The following NFIB variants were observed in gnomAD, a reference collection of about 807,000 sequenced individuals.
The protein encoded by NFIB is nuclear factor 1 B-type.
Under a neutral mutation model 61.5 loss-of-function variants are expected in NFIB, and 11 were observed. The observed-to-expected ratio is 0.18, with a 90% confidence interval of 0.11 to 0.30. The LOEUF is 0.30. NFIB is among the 10% of genes least tolerant of loss of function. NFIB has a pLI of 1.00. For missense variants in NFIB, 471 were observed against 608.9 expected (o/e 0.77, Z 2.38); for synonymous variants, 260 against 216.5 (o/e 1.20, Z -1.76).
chr9:14,505,607 A>G, the NFIB span, among the ~76,000 whole-genome samples: 7 of 152,190 alleles, frequency 4.6e-5, no homozygotes, highest in African/African-American at 7.2e-5. Flanking sequence ...CCATGCCCAC[A>G]ACCAAGAAGA....
intron 1 of NFIB, among the ~76,000 whole-genome samples, chr9:14,377,016 C>T (rs1393799166): frequency 1.3e-5 from 2 of 152,082 alleles, no homozygotes; most frequent in East Asian, 1.9e-4. Context: ...AAAAGATATA[C>T]TGTATAAAAT....
chr9:14,347,410 G>A (rs976471089), intron 1 of NFIB: 2 of 152,510 alleles, frequency 1.3e-5, no homozygotes, highest in African/African-American at 2.4e-5. Flanking sequence ...TAGGTGGAGG[G>A]GGAAGAGGGA....
the NFIB span, among the ~76,000 whole-genome samples, chr9:14,509,983 G>A: frequency 6.6e-6 from 1 of 152,222 alleles, no homozygotes; most frequent in African/African-American, 2.4e-5. Flanking sequence ...TGCAACCTTC[G>A]CTTCCCAGGT....
the NFIB span, among the ~76,000 whole-genome samples, chr9:14,414,360 G>A: frequency 7.4e-5 from 11 of 149,434 alleles, no homozygotes; most frequent in East Asian, 3.9e-4. Flanking sequence ...GCTTGAACCC[G>A]AGAGGCAGAG....
At chr9:14,288,655 C>T (rs2058873676) in intron 2 of NFIB, among the ~76,000 whole-genome samples, 1 of 152,004 alleles carries the variant, frequency 6.6e-6, no homozygotes, top group South Asian at 2.1e-4. Flanking sequence ...GAAAGCTCCG[C>T]AAATCTAACT....
chr9:14,220,845 A>ACCCACCCC lies in NFIB; in HGVS notation c.563-41066_563-41065insGGGGTGGG, dbSNP rs1554677585. 5.8e-3 allele frequency among the ~76,000 whole-genome samples: 566 copies of ACCCACCCC among 97,190 alleles called. 4 individuals are homozygous for ACCCACCCC. Among genetic ancestry groups the ACCCACCCC allele is most frequent in the East Asian group, 0.045 (114 of 2,556 alleles). The allele number at this position is 97,190 out of a possible 152,430, so 63.8% of individuals were successfully genotyped here. A position where few individuals can be genotyped will look rare whatever the true frequency, so the allele number is the denominator to read the frequency against. On this transcript the variant is annotated intron_variant, in intron 2 of 10. Transcript: ENST00000380953. ...TATCCAGTGAAATCAATCTCCCTAC[A>ACCCACCCC]CACACACACACACACACACACACAC... is the stretch of plus-strand genomic sequence containing the variant.
intron 1 of NFIB, among the ~76,000 whole-genome samples, chr9:14,358,349 C>G (rs1317292031): frequency 6.6e-6 from 1 of 152,004 alleles, no homozygotes; most frequent in Non-Finnish European, 1.5e-5. Flanking sequence ...TTTCTGAGCA[C>G]AATCACTTTG....
intron 5 of NFIB, among the ~76,000 whole-genome samples, chr9:14,147,381 T>C (rs1370952604): frequency 6.6e-6 from 1 of 152,072 alleles, no homozygotes; most frequent in Non-Finnish European, 1.5e-5. Context: ...AGGCAGACGG[T>C]TGGAAGAGTA....
At chr9:14,203,746 C>G (rs2049316024) in intron 2 of NFIB, among the ~76,000 whole-genome samples, 2 of 152,186 alleles carry the variant, frequency 1.3e-5, no homozygotes, top group South Asian at 2.1e-4. Context: ...CTTGGTACCA[C>G]AACTTTTGTG....
chr9:14,300,343 A>T (rs899362628), intron 2 of NFIB: 2 of 396,060 alleles, frequency 5.0e-6, no homozygotes, highest in Non-Finnish European at 8.9e-6. Context: ...GGATGGAGGG[A>T]AAAAGGCTGG....
At chr9:14,418,005 C>G in the NFIB span, among the ~76,000 whole-genome samples, 1 of 152,028 alleles carries the variant, frequency 6.6e-6, no homozygotes, top group Non-Finnish European at 1.5e-5. Context: ...TCTTGAACTC[C>G]TGACCTCAGG....
chr9:14,390,677 A>T (rs189117707), intron 1 of NFIB, among the ~76,000 whole-genome samples: 2 of 152,330 alleles, frequency 1.3e-5, no homozygotes, highest in Admixed American at 1.3e-4. Context: ...GCCCTCATGA[A>T]TGGGATCAGT....
At chr9:14,217,763 T>A (rs1777652956) in intron 2 of NFIB, among the ~76,000 whole-genome samples, 1 of 152,018 alleles carries the variant, frequency 6.6e-6, no homozygotes. Flanking sequence ...ATATTGCTAA[T>A]TATCTCATTC....
At chr9:14,285,321 C>G (rs954452009) in intron 2 of NFIB, among the ~76,000 whole-genome samples, 1 of 152,158 alleles carries the variant, frequency 6.6e-6, no homozygotes, top group Non-Finnish European at 1.5e-5. Context: ...CAGGGTTTCA[C>G]CATGTCGGCC....
the NFIB span, among the ~76,000 whole-genome samples, chr9:14,517,204 C>A: frequency 2.6e-5 from 4 of 152,146 alleles, no homozygotes; most frequent in African/African-American, 9.7e-5. Context: ...CTCCAAGGCC[C>A]ACAGCTAACC....
the NFIB span, among the ~76,000 whole-genome samples, chr9:14,471,488 C>G: frequency 3.3e-5 from 5 of 152,290 alleles, 2 homozygotes; most frequent in Admixed American, 3.3e-4. Flanking sequence ...GTAAGCAACA[C>G]GTGGAAAAGA....
intron 1 of NFIB, among the ~76,000 whole-genome samples, chr9:14,309,401 C>T (rs763898078): frequency 3.9e-5 from 6 of 152,170 alleles, no homozygotes; most frequent in Non-Finnish European, 8.8e-5. Context: ...TGTAAGTGTT[C>T]CTTCACCAGA....
chr9:14,223,700 G>A (rs567262546), intron 2 of NFIB, among the ~76,000 whole-genome samples: 1 of 152,254 alleles, frequency 6.6e-6, no homozygotes, highest in South Asian at 2.1e-4. Context: ...ACTGGTTAGA[G>A]GCCAATCTAA....
chr9:14,182,708 C>CTCTCTCTCTCTCTGTG (rs778914837), intron 2 of NFIB, among the ~76,000 whole-genome samples: 8 of 97,002 alleles, frequency 8.2e-5, no homozygotes, highest in African/African-American at 1.8e-4. Flanking sequence ...CTCTCTCTCT[C>CTCTCTCTCTCTCTGTG]TGTGTGTGTG....
Sources: allele counts gnomAD v4.1 joint callset (sites outside exome capture counted in the v4.1 genomes callset), GRCh38; gene constraint gnomAD v4.1.1; transcripts MANE v1.5; gene names NCBI Gene and HGNC (gene_info 2026-07-23, HGNC 2026-07-21).